Variants in CNGB3 observed in about 807,000 individuals in gnomAD.
CNGB3 encodes cyclic nucleotide-gated channel beta-3.
In CNGB3, 86 loss-of-function variants were observed where a neutral mutation model predicts 92.8. That is an observed-to-expected ratio of 0.93 (90% confidence interval 0.78 to 1.11). CNGB3 has a LOEUF of 1.11. CNGB3 is among the 50% of genes least tolerant of loss of function. CNGB3 has a pLI of 0.00. For synonymous variants in CNGB3, 333 were observed against 332.7 expected, an observed-to-expected ratio of 1.00 and a Z score of -0.01; for missense variants, 1,026 against 956.8, an observed-to-expected ratio of 1.07 and a Z score of -0.95.
intron 3 of CNGB3, among the ~76,000 whole-genome samples, chr8:86,693,895 C>T (rs1824371658): frequency 6.6e-6 from 1 of 152,166 alleles, no homozygotes; most frequent in East Asian, 1.9e-4. Context: ...TTTCCCCACC[C>T]TTCCCCCCCT....
At chr8:86,694,150 A>C (rs1351741226) in intron 3 of CNGB3, among the ~76,000 whole-genome samples, 1 of 118,588 alleles carries the variant, frequency 8.4e-6, no homozygotes, top group Non-Finnish European at 1.7e-5. Flanking sequence ...TCCCTCCTGG[A>C]CGGGGCGGCT....
chr8:86,636,040 T>A (rs1405845015), intron 10 of CNGB3, among the ~76,000 whole-genome samples: 1 of 151,550 alleles, frequency 6.6e-6, no homozygotes, highest in Admixed American at 6.6e-5. Context: ...TAAAAGAATT[T>A]TACAGTGAAC....
intron 14 of CNGB3, among the ~76,000 whole-genome samples, chr8:86,610,985 T>C (rs1822506627): frequency 6.6e-6 from 1 of 152,196 alleles, no homozygotes; most frequent in African/African-American, 2.4e-5. Flanking sequence ...TCAGAACATA[T>C]GTACAGTATG....
chr8:86,654,826 C>T (rs1388140058), intron 6 of CNGB3, among the ~76,000 whole-genome samples: 1 of 152,072 alleles, frequency 6.6e-6, no homozygotes, highest in Non-Finnish European at 1.5e-5. Context: ...CAGGATTTAG[C>T]TCTCTTCTCT....
intron 3 of CNGB3, among the ~76,000 whole-genome samples, chr8:86,694,036 C>G (rs1339650218): frequency 1.7e-4 from 25 of 148,922 alleles, no homozygotes; most frequent in Admixed American, 1.3e-3. Flanking sequence ...GGCAGAGGCG[C>G]CCCTCACCTC....
chr8:86,703,123 A>T (rs74712056), intron 3 of CNGB3, among the ~76,000 whole-genome samples: 1,638 of 152,196 alleles, frequency 0.011, 34 homozygotes, highest in African/African-American at 0.037. Flanking sequence ...TTTTCTTGTG[A>T]TTTATAATGT....
intron 11 of CNGB3, among the ~76,000 whole-genome samples, chr8:86,631,881 G>A (rs76433848): frequency 0.057 from 8,695 of 152,116 alleles, 783 homozygotes; most frequent in African/African-American, 0.19. Flanking sequence ...TGCTGACTGA[G>A]GCCTTGCTTG....
chr8:86,658,904 C>T lies in CNGB3; in HGVS notation c.853-4842G>A. 3 of 847,796 alleles carry T rather than the reference C, an allele frequency of 3.5e-6. No individual in the cohort carries two copies. The Admixed American group carries it at 5.7e-5, about 16-fold the overall frequency. 52.5% of individuals were successfully genotyped at this position (847,796 alleles called of 1,614,324 possible). On this transcript the variant is annotated intron_variant, in intron 6 of 17. Coordinates refer to ENST00000320005, the MANE Select transcript of CNGB3 (RefSeq NM_019098.5). Reference sequence around the variant, plus strand: ...CCTGCTCCTCCCAGAGCTCAGCCTTCTGCTCTAGCTCCAGCAGCCTCTCCT... The same window carrying T: ...CCTGCTCCTCCCAGAGCTCAGCCTTTTGCTCTAGCTCCAGCAGCCTCTCCT...
intron 2 of CNGB3, among the ~76,000 whole-genome samples, chr8:86,730,058 G>A (rs1421557260): frequency 6.6e-6 from 1 of 152,160 alleles, no homozygotes; most frequent in Non-Finnish European, 1.5e-5. Flanking sequence ...TTTACTGAAT[G>A]TGCAAAAAAT....
intron 6 of CNGB3, among the ~76,000 whole-genome samples, chr8:86,654,454 G>C (rs935648300): frequency 2.6e-5 from 4 of 152,174 alleles, no homozygotes; most frequent in African/African-American, 9.6e-5. Flanking sequence ...TTAGCATCCT[G>C]TTATGGCATT....
intron 3 of CNGB3, among the ~76,000 whole-genome samples, chr8:86,697,202 G>T (rs1052105098): frequency 4.6e-5 from 7 of 152,052 alleles, no homozygotes; most frequent in African/African-American, 1.4e-4. Flanking sequence ...CTTCTATTTG[G>T]CTACCTTGCA....
intron 2 of CNGB3, among the ~76,000 whole-genome samples, chr8:86,733,020 C>CT (rs564462768): frequency 9.9e-5 from 15 of 151,194 alleles, no homozygotes; most frequent in East Asian, 3.9e-4. Flanking sequence ...TTTAACTTTT[C>CT]TTTTTTTTTG....
At chr8:86,637,166 G>A (rs1006890595) in intron 10 of CNGB3, among the ~76,000 whole-genome samples, 1 of 152,218 alleles carries the variant, frequency 6.6e-6, no homozygotes, top group South Asian at 2.1e-4. Flanking sequence ...TAGTTATTTT[G>A]TTCTTTTGTT....
In CNGB3 at chr8:86,579,240, T is replaced by C; in HGVS notation, c.1794A>G (p.Ala598=). 1.2e-6 allele frequency: 2 copies of C among 1,614,104 alleles called. No homozygotes were observed. The highest frequency in any genetic ancestry group is 2.2e-5 in the East Asian group (1 of 44,868). ...TGGCAGTTCGACGGTTTCCTCCTCC[T>C]GCTGCTAGAAGGCTGTAAGAGAGAA... ...SVFGEISLLA[A]GGGNRRTANV... is the part of the protein sequence containing the mutation. Residue 598 remains alanine, a synonymous_variant, in exon 16 of 18, where the codon GCA becomes GCG. Coordinates refer to ENST00000320005, the MANE Select transcript of CNGB3 (RefSeq NM_019098.5).
rs117288825 is a variant in CNGB3 at position 86,600,325 on chromosome 8, T to C, written c.1781+3768A>G. Among the ~76,000 whole-genome samples the C allele has an allele frequency of 5.4e-4, 83 of 152,340 alleles. No individual in the cohort carries two copies. The East Asian group carries it at 0.014, about 27-fold the overall frequency. On this transcript the variant is annotated intron_variant, in intron 15 of 17. Transcript: ENST00000320005. ...AAGGCCCTGGAGGACAGTGATTGTT[T>C]CTTGTTCTCCTTTGTACCCTCATGA...
At chr8:86,695,060 C>A (rs1824422055) in intron 3 of CNGB3, among the ~76,000 whole-genome samples, 1 of 152,236 alleles carries the variant, frequency 6.6e-6, no homozygotes, top group South Asian at 2.1e-4. Context: ...CTCGGGAGGC[C>A]AAGGCTGGCG....
At chr8:86,593,940 G>A (rs992690094) in intron 15 of CNGB3, 10 of 536,986 alleles carry the variant, frequency 1.9e-5, no homozygotes, top group South Asian at 5.2e-5. Context: ...GAGTGGAATC[G>A]GATCCTGTAG....
At chr8:86,602,990 C>A (rs1822337920) in intron 15 of CNGB3, among the ~76,000 whole-genome samples, 1 of 152,158 alleles carries the variant, frequency 6.6e-6, no homozygotes, top group African/African-American at 2.4e-5. Context: ...CCTTTCTACC[C>A]CTTGACCAGA....
chr8:86,691,310 C>A (rs910594172), intron 3 of CNGB3, among the ~76,000 whole-genome samples: 1 of 152,132 alleles, frequency 6.6e-6, no homozygotes. Flanking sequence ...ACAATCATAT[C>A]ATTGGTAAAC....
Sources: allele counts gnomAD v4.1 joint callset (sites outside exome capture counted in the v4.1 genomes callset), GRCh38; gene constraint gnomAD v4.1.1; transcripts MANE v1.5; gene names NCBI Gene and HGNC (gene_info 2026-07-23, HGNC 2026-07-21).